THSD7B: variants seen among roughly 807,000 people sequenced by gnomAD.
THSD7B encodes the protein thrombospondin type 1 domain containing 7B.
A neutral mutation model predicts 213.6 loss-of-function variants in THSD7B; 138 were observed. The ratio of observed to expected loss-of-function variants is 0.65; its 90% CI spans 0.56 to 0.74. The LOEUF (loss-of-function observed/expected upper bound fraction) is 0.74, where lower values mean the gene tolerates loss of function less well. THSD7B is among the 30% of genes least tolerant of loss of function. The pLI is 0.00. For missense variants in THSD7B, 1,931 were observed against 1,991.5 expected (o/e 0.97, Z 0.58); for synonymous variants, 742 against 687.0 (o/e 1.08, Z -1.25).
Position 137,655,505 on chromosome 2 carries a change from G to C in THSD7B, c.3950G>C (p.Gly1317Ala). Reference protein sequence around the residue: ...GNWSACKLEGGDCGEGVQIRS... With the variant: ...GNWSACKLEGADCGEGVQIRS... ...AAGTATCCTTTCCTCTCATAGGGTG[G>C]AGACTGTGGGGAAGGAGTTCAGATC... The change falls in exon 22 of 28, where the codon GGA becomes GCA. Residue 1317 changes from glycine (G) to alanine (A), a missense_variant. Transcript: ENST00000409968. 6.2e-7 allele frequency: 1 copy of C among 1,610,958 alleles called. No homozygotes were observed. Among genetic ancestry groups the C allele is most frequent in the Non-Finnish European group, 8.5e-7 (1 of 1,178,568 alleles).
At position 137,004,296 on chromosome 2, in the gene THSD7B, TACACACACACACACACACACAC is replaced by T. The variant is rs34674642; in HGVS notation, c.140-52094_140-52073del. ...CCGTGACCCAGTGTGTGTGCACACGTACACACACACACACACACACACACACACACACACACACACACACACA... is the reference window on the plus strand; with the variant it reads ...CCGTGACCCAGTGTGTGTGCACACGTACACACACACACACACACACACACA... On this transcript the variant is annotated intron_variant, in intron 2 of 27. Coordinates refer to ENST00000409968, the MANE Select transcript of THSD7B (RefSeq NM_001316349.2). Among the ~76,000 whole-genome samples, 497 of 131,582 alleles carry T rather than the reference TACACACACACACACACACACAC, an allele frequency of 3.8e-3. 2 individuals carry two copies. Among genetic ancestry groups the T allele is most frequent in the African/African-American group, 0.013 (462 of 34,318 alleles). The allele number at this position is 131,582 out of a possible 152,430, so 86.3% of individuals were successfully genotyped here. A position where few individuals can be genotyped will look rare whatever the true frequency, so the allele number is the denominator to read the frequency against.
chr2:137,184,572 T>C (rs1680516273), intron 7 of THSD7B, among the ~76,000 whole-genome samples: 2 of 152,172 alleles, frequency 1.3e-5, no homozygotes, highest in Non-Finnish European at 2.9e-5. Context: ...AAAATGTCTA[T>C]CACTTATGCA....
At chr2:137,120,043 C>T (rs1688520153) in intron 5 of THSD7B, among the ~76,000 whole-genome samples, 1 of 152,110 alleles carries the variant, frequency 6.6e-6, no homozygotes, top group African/African-American at 2.4e-5. Context: ...TTGATGTCAA[C>T]CCTTAGAGGA....
At chr2:137,658,499 G>A (rs1368282229) in intron 24 of THSD7B, among the ~76,000 whole-genome samples, 1 of 152,084 alleles carries the variant, frequency 6.6e-6, no homozygotes, top group Non-Finnish European at 1.5e-5. Context: ...TAAATTCCAA[G>A]ATTTTCTTTC....
At chr2:137,334,973 A>T (rs1684605318) in intron 12 of THSD7B, among the ~76,000 whole-genome samples, 1 of 152,096 alleles carries the variant, frequency 6.6e-6, no homozygotes. Context: ...TCTCCTGCTG[A>T]CCTGTCAAGA....
rs74394050 is a variant in THSD7B at position 137,350,889 on chromosome 2, T to C, written c.2501-54724T>C. ...CCAGGTTTCTGGTTGAGCACAGCAT[T>C]GATGGTGATGCCACTTACTGAGTTA... On this transcript the variant is annotated intron_variant, in intron 12 of 27. Coordinates refer to ENST00000409968, the MANE Select transcript of THSD7B (RefSeq NM_001316349.2). Among the ~76,000 whole-genome samples, 1,503 of 151,944 alleles carry C rather than the reference T, an allele frequency of 9.9e-3. 29 individuals carry two copies. The highest frequency in any genetic ancestry group is 0.035 in the African/African-American group (1,454 of 41,490).
At chr2:137,303,673 A>AATATAT (rs1491251947) in intron 12 of THSD7B, among the ~76,000 whole-genome samples, 1 of 107,516 alleles carries the variant, frequency 9.3e-6, no homozygotes, top group Non-Finnish European at 1.8e-5. Context: ...TATATATATT[A>AATATAT]ATATATATAT....
intron 3 of THSD7B, among the ~76,000 whole-genome samples, chr2:137,081,801 A>C (rs1687751956): frequency 6.6e-6 from 1 of 152,008 alleles, no homozygotes; most frequent in Non-Finnish European, 1.5e-5. Flanking sequence ...TATTTATTTC[A>C]TGAATAAGGT....
intron 15 of THSD7B, among the ~76,000 whole-genome samples, chr2:137,490,547 G>A (rs1394399582): frequency 6.6e-6 from 1 of 152,084 alleles, no homozygotes; most frequent in Non-Finnish European, 1.5e-5. Context: ...CATACATCAT[G>A]GTCTACCCAA....
At chr2:136,842,626 C>T (rs1326761594) in intron 1 of THSD7B, among the ~76,000 whole-genome samples, 1 of 152,158 alleles carries the variant, frequency 6.6e-6, no homozygotes, top group Non-Finnish European at 1.5e-5. Flanking sequence ...ACAAGGTAAA[C>T]TTGTCTCCTC....
chr2:137,311,732 T>G (rs1683914186), intron 12 of THSD7B, among the ~76,000 whole-genome samples: 1 of 151,754 alleles, frequency 6.6e-6, no homozygotes, highest in Non-Finnish European at 1.5e-5. Flanking sequence ...TTGAATTTTG[T>G]CAAAGGCCTT....
chr2:137,422,221 C>CA (rs1339407373), intron 14 of THSD7B, among the ~76,000 whole-genome samples: 12 of 152,116 alleles, frequency 7.9e-5, no homozygotes, highest in African/African-American at 2.9e-4. Flanking sequence ...ATATTGTCAG[C>CA]AAAAATGTTA....
chr2:136,858,104 T>A (rs996027577), intron 1 of THSD7B, among the ~76,000 whole-genome samples: 3 of 152,216 alleles, frequency 2.0e-5, no homozygotes, highest in African/African-American at 7.2e-5. Context: ...CTTACAAGCA[T>A]AATTGAAAAC....
chr2:136,848,817 A>G (rs958149006), intron 1 of THSD7B, among the ~76,000 whole-genome samples: 6 of 152,210 alleles, frequency 3.9e-5, no homozygotes, highest in African/African-American at 4.8e-5. Context: ...TTAAAAATTC[A>G]TAATTAATTT....
At chr2:137,519,830 A>G (rs1024697722) in intron 15 of THSD7B, among the ~76,000 whole-genome samples, 1 of 152,228 alleles carries the variant, frequency 6.6e-6, no homozygotes, top group Non-Finnish European at 1.5e-5. Context: ...GAATTCATTG[A>G]TAAATACTTA....
chr2:137,649,947 A>G (rs931743236), intron 21 of THSD7B, among the ~76,000 whole-genome samples: 7 of 152,084 alleles, frequency 4.6e-5, no homozygotes, highest in African/African-American at 1.7e-4. Flanking sequence ...ATTAAAAAAA[A>G]AAAAGTTAGG....
intron 5 of THSD7B, among the ~76,000 whole-genome samples, chr2:137,125,897 A>C (rs980810078): frequency 6.6e-6 from 1 of 152,166 alleles, no homozygotes; most frequent in African/African-American, 2.4e-5. Context: ...GTACATCTCC[A>C]TCAGGGCTTT....
chr2:137,330,310 C>A (rs750569696), intron 12 of THSD7B, among the ~76,000 whole-genome samples: 4 of 152,150 alleles, frequency 2.6e-5, no homozygotes, highest in Non-Finnish European at 5.9e-5. Context: ...GGCCACCATC[C>A]TCCAGACCCC....
intron 2 of THSD7B, among the ~76,000 whole-genome samples, chr2:136,919,546 AG>A (rs1447259724): frequency 9.9e-5 from 15 of 152,226 alleles, no homozygotes; most frequent in African/African-American, 3.4e-4. Flanking sequence ...ACTTAAATCT[AG>A]GATTGTGGCA....
Sources: allele counts gnomAD v4.1 joint callset (sites outside exome capture counted in the v4.1 genomes callset), GRCh38; gene constraint gnomAD v4.1.1; transcripts MANE v1.5; gene names NCBI Gene and HGNC (gene_info 2026-07-23, HGNC 2026-07-21).